Variants in RARB observed in about 807,000 individuals in gnomAD.
The protein encoded by RARB is retinoic acid receptor beta.
A neutral mutation model predicts 51.9 loss-of-function variants in RARB; 17 were observed. The ratio of observed to expected loss-of-function variants is 0.33; its 90% CI spans 0.22 to 0.49. The LOEUF (loss-of-function observed/expected upper bound fraction) is 0.49, where lower values mean the gene tolerates loss of function less well. RARB is among the 20% of genes least tolerant of loss of function. The pLI is 0.99. For missense variants in RARB, 369 were observed against 550.8 expected, an observed-to-expected ratio of 0.67 and a Z score of 3.30; for synonymous variants, 215 against 195.4, an observed-to-expected ratio of 1.10 and a Z score of -0.84.
intron 4 of RARB, among the ~76,000 whole-genome samples, chr3:25,142,060 G>A (rs551594539): frequency 2.6e-5 from 4 of 152,314 alleles, no homozygotes; most frequent in South Asian, 2.1e-4. Flanking sequence ...GGCCGTGTGC[G>A]GTGGCTCACG....
At chr3:25,559,734 A>AT (rs1198431751) in intron 3 of RARB, among the ~76,000 whole-genome samples, 1 of 152,210 alleles carries the variant, frequency 6.6e-6, no homozygotes, top group East Asian at 1.9e-4. Context: ...ACAGAGATAG[A>AT]TAGACAGACA....
intron 5 of RARB, among the ~76,000 whole-genome samples, chr3:25,277,974 T>G: frequency 6.6e-6 from 1 of 152,228 alleles, no homozygotes. Context: ...TTCTCTCTTG[T>G]GTCTTCTTTC....
chr3:25,594,754 A>C, intron 7 of RARB, 76 bp downstream of exon 7: 1 of 1,307,288 alleles, frequency 7.6e-7, no homozygotes, highest in African/African-American at 1.5e-5. Flanking sequence ...GCTTTATTCA[A>C]TTCAGGATGT....
chr3:25,077,939 A>G (rs1698908763), intron 3 of RARB, among the ~76,000 whole-genome samples: 1 of 152,142 alleles, frequency 6.6e-6, no homozygotes, highest in Non-Finnish European at 1.5e-5. Flanking sequence ...TTTGCTAACT[A>G]ATGAAGCTGA....
chr3:24,885,977 G>C (rs1305604576), intron 2 of RARB, among the ~76,000 whole-genome samples: 6 of 152,092 alleles, frequency 3.9e-5, no homozygotes, highest in African/African-American at 1.2e-4. Flanking sequence ...GTGATTTAGG[G>C]GACTTTCAAG....
intron 5 of RARB, chr3:25,352,361 TG>T (rs1329041737): frequency 6.6e-6 from 1 of 152,212 alleles, no homozygotes; most frequent in Admixed American, 6.6e-5. Context: ...TCAGATGAGA[TG>T]GGGCACATTC....
intron 2 of RARB, among the ~76,000 whole-genome samples, chr3:24,860,574 C>T (rs890207639): frequency 2.6e-5 from 4 of 152,150 alleles, no homozygotes; most frequent in Non-Finnish European, 5.9e-5. Context: ...CTGCTGCTCC[C>T]TCTTACTCTC....
intron 1 of RARB, among the ~76,000 whole-genome samples, chr3:25,435,526 T>C (rs1708398159): frequency 6.6e-6 from 1 of 152,190 alleles, no homozygotes; most frequent in African/African-American, 2.4e-5. Flanking sequence ...GGGGCTGGTC[T>C]ATTGGAAAGC....
intron 5 of RARB, among the ~76,000 whole-genome samples, chr3:25,310,536 A>G (rs1704263259): frequency 6.6e-6 from 1 of 152,232 alleles, no homozygotes; most frequent in Admixed American, 6.5e-5. Context: ...GATACCATGT[A>G]GCAGACAAAA....
rs1696594104 is a variant in RARB, at chr3:24,979,494, GTCT to G, written c.-379-80626_-379-80624del. Among the ~76,000 whole-genome samples, 7 of 152,148 alleles carry G rather than the reference GTCT, an allele frequency of 4.6e-5. No individual in the cohort carries two copies. In the South Asian group the frequency reaches 1.5e-3, roughly 32 times the overall value. On this transcript the variant is annotated intron_variant, in intron 2 of 11. Transcript: ENST00000383772. ...TTGATCCCTTTACCATTATGTAATA[GTCT>G]TCTTTGTCTGTTTTGATCTTTGTTG...
At chr3:25,162,086 A>G (rs1179103238) in intron 4 of RARB, among the ~76,000 whole-genome samples, 1 of 152,102 alleles carries the variant, frequency 6.6e-6, no homozygotes, top group African/African-American at 2.4e-5. Flanking sequence ...TTGTGTATGT[A>G]TATATGTGCC....
chr3:25,373,553 CT>C (rs776047581), intron 5 of RARB, among the ~76,000 whole-genome samples: 3 of 152,144 alleles, frequency 2.0e-5, no homozygotes, highest in Non-Finnish European at 2.9e-5. Context: ...AATGTTTCTT[CT>C]CCTCTAATCA....
intron 1 of RARB, among the ~76,000 whole-genome samples, chr3:24,850,969 C>T (rs1200272343): frequency 6.6e-6 from 1 of 152,146 alleles, no homozygotes; most frequent in Non-Finnish European, 1.5e-5. Context: ...ATAATGAATC[C>T]TAAGGGAATG....
At chr3:25,406,843 G>A (rs1707423141) in intron 5 of RARB, among the ~76,000 whole-genome samples, 1 of 152,082 alleles carries the variant, frequency 6.6e-6, no homozygotes. Context: ...ATTTTACATT[G>A]CCTCAACCCA....
chr3:24,993,941 T>C (rs1363085115), intron 2 of RARB, among the ~76,000 whole-genome samples: 3 of 152,146 alleles, frequency 2.0e-5, no homozygotes, highest in East Asian at 1.9e-4. Flanking sequence ...ATCTTGGCTA[T>C]TGTGAATAGT....
At chr3:25,017,200 A>G (rs907900130) in intron 2 of RARB, among the ~76,000 whole-genome samples, 2 of 150,930 alleles carry the variant, frequency 1.3e-5, no homozygotes, top group African/African-American at 2.5e-5. Flanking sequence ...TTGTTTACAA[A>G]TTAACTAGCT....
At chr3:25,164,998 T>C (rs949278060) in intron 4 of RARB, among the ~76,000 whole-genome samples, 1 of 152,166 alleles carries the variant, frequency 6.6e-6, no homozygotes, top group Non-Finnish European at 1.5e-5. Context: ...CAACTCAAGA[T>C]TGGGCACCTT....
At chr3:24,849,392 G>A (rs1702526320) in intron 1 of RARB, among the ~76,000 whole-genome samples, 1 of 152,190 alleles carries the variant, frequency 6.6e-6, no homozygotes, top group African/African-American at 2.4e-5. Flanking sequence ...GCTTAGTAAT[G>A]GCTCTCAAGA....
At chr3:25,230,309 C>T (rs979199005) in intron 5 of RARB, among the ~76,000 whole-genome samples, 3 of 152,052 alleles carry the variant, frequency 2.0e-5, no homozygotes, top group African/African-American at 7.2e-5. Flanking sequence ...CTATGGATTC[C>T]TAAGAAATGA....
Sources: gnomAD v4.1 joint callset for allele counts (sites outside exome capture counted in the v4.1 genomes callset) on GRCh38, gnomAD v4.1.1 for gene constraint, MANE v1.5 for transcripts, NCBI Gene and HGNC (gene_info 2026-07-23, HGNC 2026-07-21) for gene names.